The following LRRC7 variants were observed in gnomAD, a reference collection of about 807,000 sequenced individuals.
LRRC7 encodes leucine-rich repeat-containing protein 7.
In LRRC7, 23 loss-of-function variants were observed where a neutral mutation model predicts 175.7. That is an observed-to-expected ratio of 0.13 (90% CI 0.09 to 0.19). The LOEUF (loss-of-function observed/expected upper bound fraction) is 0.19, where lower values mean the gene tolerates loss of function less well. LRRC7 is among the 10% of genes least tolerant of loss of function. The pLI is 1.00. For synonymous variants in LRRC7, 685 were observed against 680.9 expected (o/e 1.01, Z -0.09); for missense variants, 1,354 against 1,904.7 (o/e 0.71, Z 5.38).
intron 17 of LRRC7, 139 bp from the exon 18 acceptor site, chr1:70,028,032 C>T: frequency 1.4e-6 from 1 of 728,978 alleles, no homozygotes; most frequent in Non-Finnish European, 2.3e-6. Flanking sequence ...ATGCGTCCTA[C>T]TCTATAACAG....
At chr1:69,858,817 A>G (rs1337514632) in intron 7 of LRRC7, among the ~76,000 whole-genome samples, 1 of 152,122 alleles carries the variant, frequency 6.6e-6, no homozygotes, top group Non-Finnish European at 1.5e-5. Context: ...TCTAGTTCTC[A>G]AGGAATGGTC....
intron 2 of LRRC7, among the ~76,000 whole-genome samples, chr1:69,754,553 A>G (rs75808863): frequency 0.022 from 3,382 of 152,144 alleles, 54 homozygotes; most frequent in Middle Eastern, 0.078. Flanking sequence ...AACACTAAGT[A>G]AATGCTTACA....
intron 7 of LRRC7, among the ~76,000 whole-genome samples, chr1:69,924,901 G>A (rs1456797657): frequency 6.6e-6 from 1 of 152,146 alleles, no homozygotes; most frequent in Non-Finnish European, 1.5e-5. Context: ...AATGCTTCCA[G>A]TTTTTGCCCA....
intron 7 of LRRC7, among the ~76,000 whole-genome samples, chr1:69,856,029 G>A (rs759962117): frequency 3.9e-5 from 6 of 152,070 alleles, no homozygotes; most frequent in Admixed American, 2.0e-4. Context: ...CTCTGCATGT[G>A]GGATGGGTGT....
chr1:70,007,498 T>C (rs1431593514), intron 11 of LRRC7, among the ~76,000 whole-genome samples: 1 of 151,772 alleles, frequency 6.6e-6, no homozygotes. Flanking sequence ...ATAGGAAAAA[T>C]GAAAAAAATA....
chr1:69,825,875 A>C (rs1377049721), intron 5 of LRRC7, 49 bp downstream of exon 5: 1 of 1,209,492 alleles, frequency 8.3e-7, no homozygotes, highest in Admixed American at 2.0e-5. Context: ...TCCATTGTAT[A>C]ATAATGTACC....
At chr1:69,788,672 G>T (rs1023083248) in intron 3 of LRRC7, among the ~76,000 whole-genome samples, 1 of 151,886 alleles carries the variant, frequency 6.6e-6, no homozygotes, top group African/African-American at 2.4e-5. Flanking sequence ...CCTTCATCTG[G>T]CTATCTTCTG....
At chr1:69,776,935 T>C (rs1169886121) in intron 3 of LRRC7, among the ~76,000 whole-genome samples, 1 of 152,156 alleles carries the variant, frequency 6.6e-6, no homozygotes, top group Non-Finnish European at 1.5e-5. Flanking sequence ...GTTTTTTTCC[T>C]ATTTTTTGAG....
chr1:69,853,390 T>C (rs996783666), intron 7 of LRRC7, among the ~76,000 whole-genome samples: 1 of 148,644 alleles, frequency 6.7e-6, no homozygotes, highest in African/African-American at 2.5e-5. Context: ...GCGATTCTCC[T>C]GCGTCAGCCT....
At chr1:69,649,751 T>C (rs1655513004) in intron 1 of LRRC7, among the ~76,000 whole-genome samples, 1 of 152,136 alleles carries the variant, frequency 6.6e-6, no homozygotes. Context: ...CTGGTTCTTT[T>C]ACGCAGTTCA....
At chr1:69,651,222 T>C (rs748779202) in intron 1 of LRRC7, among the ~76,000 whole-genome samples, 7 of 152,194 alleles carry the variant, frequency 4.6e-5, no homozygotes, top group Admixed American at 6.5e-5. Flanking sequence ...TTTAAAGATA[T>C]ATATTTTTAA....
intron 4 of LRRC7, among the ~76,000 whole-genome samples, chr1:69,810,879 T>C (rs1677763072): frequency 6.6e-6 from 1 of 152,186 alleles, no homozygotes; most frequent in South Asian, 2.1e-4. Context: ...ACCTCATGAC[T>C]AAAACACCAA....
chr1:69,646,290 A>T (rs974461222), intron 1 of LRRC7, among the ~76,000 whole-genome samples: 4 of 152,092 alleles, frequency 2.6e-5, no homozygotes, highest in Admixed American at 2.6e-4. Flanking sequence ...TGAGAGTCTG[A>T]TGAGTATCTT....
intron 2 of LRRC7, among the ~76,000 whole-genome samples, chr1:69,703,495 T>A (rs766502651): frequency 1.3e-5 from 2 of 151,970 alleles, no homozygotes; most frequent in Non-Finnish European, 2.9e-5. Flanking sequence ...ACCATGAGAA[T>A]TGAGGAAGAA....
Position 70,043,760 on chromosome 1 carries a change from T to C in LRRC7, c.3970-194T>C, listed in dbSNP as rs771490286. 2.0e-5 allele frequency among the ~76,000 whole-genome samples: 3 copies of C among 152,198 alleles called. No homozygotes were observed. The South Asian group carries it at 6.2e-4, about 31-fold the overall frequency. On this transcript the variant is annotated intron_variant, in intron 21 of 26. Transcript: ENST00000651989. Reference sequence around the variant, plus strand: ...TTTGCTTTTTGTCTTTTCTGTAGTTTTGGATGGTACTCATTATGTGCATAA... The same window carrying C: ...TTTGCTTTTTGTCTTTTCTGTAGTTCTGGATGGTACTCATTATGTGCATAA...
intron 12 of LRRC7, 128 bp from the exon 13 acceptor site, chr1:70,012,841 AAAAAC>A (rs1557986076): frequency 5.5e-6 from 2 of 366,596 alleles, no homozygotes; most frequent in South Asian, 5.2e-5. Context: ...GCTACATTAT[AAAAAC>A]AAAACAATGC....
intron 7 of LRRC7, among the ~76,000 whole-genome samples, chr1:69,919,040 G>C (rs1473049356): frequency 6.6e-6 from 1 of 152,156 alleles, no homozygotes; most frequent in Non-Finnish European, 1.5e-5. Context: ...AGGTGGCATA[G>C]AGTGTACCTT....
chr1:70,126,774 C>A lies in LRRC7; in HGVS notation c.*4887C>A, dbSNP rs1348203519. 2.6e-5 allele frequency among the ~76,000 whole-genome samples: 4 copies of A among 152,178 alleles called. No homozygotes were observed. The highest frequency in any genetic ancestry group is 4.4e-5 in the Non-Finnish European group (3 of 68,040). The stretch of plus-strand genomic sequence containing the variant: ...TTCAGGAAATCTATTTTCCAAGATG[C>A]ACCACTTGTACAAACTAAGGTAGAT... On this transcript the variant is annotated 3_prime_UTR_variant, in exon 27 of 27. Transcript: ENST00000651989.
At chr1:69,585,142 A>T (rs1646356005) in intron 1 of LRRC7, among the ~76,000 whole-genome samples, 2 of 152,192 alleles carry the variant, frequency 1.3e-5, no homozygotes, top group African/African-American at 4.8e-5. Context: ...CTTCAAAATG[A>T]ATTTGTATTC....
Sources: allele counts gnomAD v4.1 joint callset (sites outside exome capture counted in the v4.1 genomes callset), GRCh38; gene constraint gnomAD v4.1.1; transcripts MANE v1.5; gene names NCBI Gene and HGNC (gene_info 2026-07-23, HGNC 2026-07-21).